Variants in PCDH15 observed in about 807,000 individuals in gnomAD.
The protein encoded by PCDH15 is protocadherin-15.
PCDH15 carries 129 observed loss-of-function variants against 178.5 expected under a neutral mutation model. That is an observed-to-expected ratio of 0.72 (90% CI 0.63 to 0.84). The LOEUF is 0.84. PCDH15 is among the 40% of genes least tolerant of loss of function. The pLI is 0.00. For missense variants in PCDH15, 2,230 were observed against 2,099.9 expected, an observed-to-expected ratio of 1.06 and a Z score of -1.21; for synonymous variants, 800 against 732.0, an observed-to-expected ratio of 1.09 and a Z score of -1.50.
intron 1 of PCDH15, among the ~76,000 whole-genome samples, chr10:54,740,392 T>G (rs1162508671): frequency 6.6e-6 from 1 of 151,488 alleles, no homozygotes; most frequent in East Asian, 1.9e-4. Context: ...CTGATGAGAA[T>G]GTAGAAAAAT....
intron 2 of PCDH15, among the ~76,000 whole-genome samples, chr10:55,538,417 C>T (rs576445808): frequency 2.2e-5 from 3 of 137,124 alleles, no homozygotes; most frequent in African/African-American, 8.9e-5. Flanking sequence ...TTCCTTCCTC[C>T]CTCCCTCCCT....
intron 10 of PCDH15, among the ~76,000 whole-genome samples, chr10:54,203,847 C>T (rs985734763): frequency 2.0e-5 from 3 of 152,134 alleles, no homozygotes; most frequent in Admixed American, 1.3e-4. Context: ...CAATGATTCA[C>T]GCATATCCCT....
intron 1 of PCDH15, among the ~76,000 whole-genome samples, chr10:54,726,290 AATT>A (rs1355503073): frequency 1.3e-5 from 2 of 151,658 alleles, no homozygotes; most frequent in East Asian, 1.9e-4. Context: ...CTAAGAAAAT[AATT>A]ATTATTATAG....
chr10:54,415,059 A>G (rs1954120015), intron 3 of PCDH15, among the ~76,000 whole-genome samples: 1 of 152,154 alleles, frequency 6.6e-6, no homozygotes, highest in Non-Finnish European at 1.5e-5. Context: ...ACCATTTCAC[A>G]TAGAAATGTT....
At chr10:54,729,274 T>C (rs2384526) in intron 1 of PCDH15, among the ~76,000 whole-genome samples, 18,487 of 151,446 alleles carry the variant, frequency 0.12, 1,253 homozygotes, top group African/African-American at 0.17. Flanking sequence ...TACACATTTA[T>C]AACCATCTAA....
In PCDH15 at chr10:54,132,871, A is replaced by G; in HGVS notation, c.1917+4T>C. 6.2e-7 allele frequency: 1 copy of G among 1,609,718 alleles called. No homozygotes were observed. Among genetic ancestry groups the G allele is most frequent in the Non-Finnish European group, 8.5e-7 (1 of 1,177,822 alleles). ...CACACACACACACACACCAAGGAAC[A>G]TACCTGTAGATTTAATAAAACAGCA... On this transcript the variant is annotated splice_donor_region_variant and intron_variant, in intron 15 of 37. Transcript: ENST00000644397.
At chr10:54,116,034 G>A (rs929218621) in intron 15 of PCDH15, among the ~76,000 whole-genome samples, 1 of 152,048 alleles carries the variant, frequency 6.6e-6, no homozygotes, top group African/African-American at 2.4e-5. Flanking sequence ...TTAAAAGTCA[G>A]GGAAGTTAAG....
At chr10:55,400,328 C>A (rs1386049917) in intron 2 of PCDH15, among the ~76,000 whole-genome samples, 1 of 152,052 alleles carries the variant, frequency 6.6e-6, no homozygotes, top group Non-Finnish European at 1.5e-5. Context: ...CAAGTCTCTG[C>A]CACCAAAATG....
chr10:54,332,685 A>G (rs1362928500), intron 6 of PCDH15, among the ~76,000 whole-genome samples: 1 of 151,948 alleles, frequency 6.6e-6, no homozygotes, highest in South Asian at 2.1e-4. Flanking sequence ...AGATTCCTCA[A>G]GGGTCTCAGT....
At chr10:55,249,969 A>G (rs1283638888) in intron 1 of PCDH15, among the ~76,000 whole-genome samples, 1 of 152,100 alleles carries the variant, frequency 6.6e-6, no homozygotes, top group Non-Finnish European at 1.5e-5. Context: ...TAGAAAAAAA[A>G]TCACATTTTT....
intron 3 of PCDH15, among the ~76,000 whole-genome samples, chr10:54,456,666 T>A (rs1418942957): frequency 6.6e-6 from 1 of 151,982 alleles, no homozygotes; most frequent in African/African-American, 2.4e-5. Context: ...TACGTGAGAT[T>A]TGGGAGGGAC....
intron 2 of PCDH15, among the ~76,000 whole-genome samples, chr10:54,538,992 A>T (rs765622639): frequency 5.0e-4 from 76 of 152,350 alleles, no homozygotes; most frequent in Non-Finnish European, 1.0e-3. Flanking sequence ...AATAGCATTG[A>T]ATCTCTTGAT....
intron 2 of PCDH15, among the ~76,000 whole-genome samples, chr10:55,016,102 A>T (rs1316920109): frequency 0.011 from 672 of 59,204 alleles, 3 homozygotes; most frequent in African/African-American, 0.026. Flanking sequence ...TTTTTTTAAA[A>T]AAAAAAAAAA....
chr10:55,300,137 C>T (rs1246802410), intron 1 of PCDH15, among the ~76,000 whole-genome samples: 8 of 152,140 alleles, frequency 5.3e-5, no homozygotes, highest in Non-Finnish European at 1.0e-4. Context: ...ACCACTTCCA[C>T]TTGTTATCCA....
intron 2 of PCDH15, among the ~76,000 whole-genome samples, chr10:55,597,970 C>A (rs755895387): frequency 2.6e-5 from 4 of 152,070 alleles, no homozygotes; most frequent in Non-Finnish European, 5.9e-5. Context: ...GAATGCCCTC[C>A]AGATCACCTG....
At chr10:54,790,772 C>T (rs1951334240) in intron 1 of PCDH15, among the ~76,000 whole-genome samples, 1 of 151,768 alleles carries the variant, frequency 6.6e-6, no homozygotes, top group African/African-American at 2.4e-5. Context: ...CAGGATTAAT[C>T]AGCCTCTTTG....
chr10:55,017,379 A>G (rs1258934895), intron 2 of PCDH15, among the ~76,000 whole-genome samples: 2 of 152,178 alleles, frequency 1.3e-5, no homozygotes, highest in African/African-American at 4.8e-5. Flanking sequence ...TGTGTAAAAT[A>G]TAGTTTGGAA....
chr10:54,592,470 C>T (rs565090212), intron 2 of PCDH15, among the ~76,000 whole-genome samples: 1 of 152,150 alleles, frequency 6.6e-6, no homozygotes, highest in African/African-American at 2.4e-5. Flanking sequence ...AAATGATCAT[C>T]ATAATCAAGC....
intron 2 of PCDH15, among the ~76,000 whole-genome samples, chr10:55,000,029 C>T (rs1027712470): frequency 2.0e-5 from 3 of 152,116 alleles, no homozygotes. Context: ...CACAGGACCA[C>T]AGGACAGGGG....
Sources: allele counts gnomAD v4.1 joint callset (sites outside exome capture counted in the v4.1 genomes callset), GRCh38; gene constraint gnomAD v4.1.1; transcripts MANE v1.5; gene names NCBI Gene and HGNC (gene_info 2026-07-23, HGNC 2026-07-21).